LACRT: variants seen among roughly 807,000 people sequenced by gnomAD.
The protein encoded by LACRT is lacritin, also known as extracellular glycoprotein lacritin.
Under a neutral mutation model 14.5 loss-of-function variants are expected in LACRT, and 14 were observed. The observed-to-expected ratio is 0.96, with a 90% CI of 0.64 to 1.51. The LOEUF (loss-of-function observed/expected upper bound fraction) is 1.51, where lower values mean the gene tolerates loss of function less well. LACRT is among the 40% of genes most tolerant of loss of function. The probability of loss-of-function intolerance (pLI) is 0.00; values close to 1 mark genes in which losing one functional copy is unlikely to be tolerated. For missense variants in LACRT, 156 were observed against 161.8 expected (o/e 0.96, Z 0.19); for synonymous variants, 70 against 63.5 (o/e 1.10, Z -0.48).
chr12:54,634,811 C>T lies in LACRT; in HGVS notation c.31G>A (p.Ala11Thr), dbSNP rs1478786294. 6.2e-7 allele frequency: 1 copy of T among 1,613,928 alleles called. No homozygotes were observed. The highest frequency in any genetic ancestry group is 2.2e-5 in the East Asian group (1 of 44,876). MKFTTLLFLA[A>T]VAGALVYAED... ...GCATAGACCAGGGCCCCTGCTACAG[C>T]TGCCAAGAAGAGGAGAGTGGTAAAT... Residue 11 changes from alanine (A) to threonine (T), a missense_variant, in exon 1 of 5, where the codon GCT (alanine) becomes ACT (threonine). Transcript: ENST00000257867.
At position 54,630,878 on chromosome 12, in the gene LACRT, T is replaced by C. The variant is rs1454946388; in HGVS notation, c.*14A>G. ...TAAGGCTTTAAGTCCAATGATCCCATTCTTTTCAGCTTCTCATGCCCATGG... is the reference window on the plus strand; with the variant it reads ...TAAGGCTTTAAGTCCAATGATCCCACTCTTTTCAGCTTCTCATGCCCATGG... On this transcript the variant is annotated 3_prime_UTR_variant, in exon 5 of 5. Coordinates refer to ENST00000257867, the MANE Select transcript of LACRT (RefSeq NM_033277.2). The C allele has an allele frequency of 6.3e-7, 1 of 1,592,722 alleles. No homozygotes were observed. Among genetic ancestry groups the C allele is most frequent in the East Asian group, 2.2e-5 (1 of 44,760 alleles).
intron 3 of LACRT, 176 bp downstream of exon 3, chr12:54,632,065 C>T: frequency 1.4e-6 from 1 of 728,248 alleles, no homozygotes; most frequent in East Asian, 2.7e-5. Flanking sequence ...GCAACATCTA[C>T]TATTGTGAAA....
chr12:54,632,155 C>CT, intron 3 of LACRT, 86 bp downstream of exon 3: 2 of 1,503,522 alleles, frequency 1.3e-6, no homozygotes, highest in Non-Finnish European at 1.8e-6. Context: ...TCTCACCAGG[C>CT]TTATCTCTGT....
rs1006011487 is a variant in LACRT, at chr12:54,634,767, G to A, written c.58+17C>T. ...TGGGAGGACTCTTGTGGGGCGCAGA[G>A]GAAAGGCCATACTCACCAGCATAGA... On this transcript the variant is annotated intron_variant, in intron 1 of 4. Transcript: ENST00000257867. The A allele has an allele frequency of 1.5e-5, 24 of 1,611,778 alleles. No individual in the cohort carries two copies. Among genetic ancestry groups the A allele is most frequent in the Non-Finnish European group, 2.0e-5 (23 of 1,178,164 alleles).
At chr12:54,632,836 A>G (rs912932308) in intron 2 of LACRT, among the ~76,000 whole-genome samples, 1 of 152,116 alleles carries the variant, frequency 6.6e-6, no homozygotes, top group Non-Finnish European at 1.5e-5. Flanking sequence ...TTATCTTGCT[A>G]AGGAATTGGG....
chr12:54,630,923 T>C lies in LACRT; in HGVS notation c.386A>G (p.Lys129Arg). The C allele has an allele frequency of 6.2e-7, 1 of 1,612,630 alleles. No homozygotes were observed. ...NGSEFAQKLL[K>R]KFSLLKPWA ...CCATGGTTTTAATAGACTGAATTTC[T>C]TCAGTAATTTTTGTGCAAATTCACT... The change falls in exon 5 of 5, where the codon AAG becomes AGG. Residue 129 changes from lysine to arginine, a missense_variant. Coordinates refer to ENST00000257867, the MANE Select transcript of LACRT (RefSeq NM_033277.2).
intron 1 of LACRT, 38 bp downstream of exon 1, chr12:54,634,746 A>G: frequency 6.3e-7 from 1 of 1,585,992 alleles, no homozygotes; most frequent in Non-Finnish European, 8.7e-7. Flanking sequence ...TTGGACTGGG[A>G]GGACTCTTGT....
chr12:54,630,847 G>A lies in LACRT; in HGVS notation c.*45C>T, dbSNP rs746731093. 3.4e-5 allele frequency: 47 copies of A among 1,376,486 alleles called. No individual in the cohort carries two copies. The highest frequency in any genetic ancestry group is 4.4e-5 in the Non-Finnish European group (42 of 963,962). The allele number at this position is 1,376,486 out of a possible 1,614,324, so 85.3% of individuals were successfully genotyped here. On this transcript the variant is annotated 3_prime_UTR_variant, in exon 5 of 5. Transcript: ENST00000257867. The stretch of plus-strand genomic sequence containing the variant: ...CGTTTTAATAGCTCTGGGCTACAAG[G>A]GTATTTAAGGCTTTAAGTCCAATGA...
chr12:54,631,158 G>A (rs780742336), intron 4 of LACRT, among the ~76,000 whole-genome samples: 1 of 152,214 alleles, frequency 6.6e-6, no homozygotes, highest in Non-Finnish European at 1.5e-5. Flanking sequence ...CAGGGGACAA[G>A]AATAGAAACA....
intron 3 of LACRT, 134 bp from the exon 4 acceptor site, chr12:54,631,973 G>A (rs1958155276): frequency 1.5e-6 from 1 of 660,974 alleles, no homozygotes; most frequent in Non-Finnish European, 2.5e-6. Flanking sequence ...GTCCTAAAGT[G>A]CAGAAGTTTT....
intron 2 of LACRT, 29 bp downstream of exon 2, chr12:54,633,151 G>C (rs773058211): frequency 3.2e-5 from 51 of 1,610,566 alleles, no homozygotes; most frequent in Non-Finnish European, 4.2e-5. Context: ...CCCAACGAGG[G>C]CTAGGGCAGC....
At chr12:54,631,575 A>G in intron 4 of LACRT, 163 bp downstream of exon 4, 1 of 629,484 alleles carries the variant, frequency 1.6e-6, no homozygotes, top group Non-Finnish European at 2.8e-6. Flanking sequence ...TTGGAAACAT[A>G]TGAAAGCACA....
At position 54,633,226 on chromosome 12, in the gene LACRT, G is replaced by A; in HGVS notation, c.66C>T (p.Ala22=). 3 of 1,613,764 alleles carry A rather than the reference G, an allele frequency of 1.9e-6. No homozygotes were observed. Among genetic ancestry groups the A allele is most frequent in the South Asian group, 1.1e-5 (1 of 91,060 alleles). Residue 22 remains alanine (A), a synonymous_variant, in exon 2 of 5, where the codon GCC becomes GCT. Transcript: ENST00000257867. ...GATCAGCACCCGTCGAGTCAGAGGA[G>A]GCATCTTCTGCAATGGGGGAAACAT... The part of the protein sequence containing the change: ...VAGALVYAED[A]SSDSTGADPA...
At chr12:54,632,408 T>C (rs751685194) in intron 2 of LACRT, 27 bp from the exon 3 acceptor site, 1 of 1,611,422 alleles carries the variant, frequency 6.2e-7, no homozygotes, top group Admixed American at 1.7e-5. Context: ...TGATGGATTT[T>C]AGCAAAGTGA....
Position 54,630,910 on chromosome 12 carries a change from T to C in LACRT, c.399A>G (p.Leu133=). 3.1e-6 allele frequency: 5 copies of C among 1,611,050 alleles called. No individual in the cohort carries two copies. The highest frequency in any genetic ancestry group is 4.2e-6 in the Non-Finnish European group (5 of 1,177,312). The part of the protein sequence containing the change: ...FAQKLLKKFS[L]LKPWA ...CAGCTTCTCATGCCCATGGTTTTAA[T>C]AGACTGAATTTCTTCAGTAATTTTT... The change falls in exon 5 of 5, where the codon CTA becomes CTG. Residue 133 remains leucine, a synonymous_variant. Transcript: ENST00000257867.
chr12:54,634,182 G>A (rs1282881455), intron 1 of LACRT, among the ~76,000 whole-genome samples: 4 of 151,964 alleles, frequency 2.6e-5, no homozygotes, highest in African/African-American at 7.2e-5. Context: ...GTGAAACACC[G>A]TCTCTACTAA....
chr12:54,630,817 G>A lies in LACRT; in HGVS notation c.*75C>T. The A allele has an allele frequency of 1.7e-6, 2 of 1,155,450 alleles. No homozygotes were observed. The highest frequency in any genetic ancestry group is 1.3e-5 in the South Asian group (1 of 79,626). The allele number at this position is 1,155,450 out of a possible 1,614,324, so 71.6% of individuals were successfully genotyped here. A position where few individuals can be genotyped will look rare whatever the true frequency, so the allele number is the denominator to read the frequency against. On this transcript the variant is annotated 3_prime_UTR_variant, in exon 5 of 5. Transcript: ENST00000257867. The stretch of plus-strand genomic sequence containing the variant: ...AGCACAGGCACACAGCAAGTTGGAT[G>A]CTTTCGTTTTAATAGCTCTGGGCTA...
rs138455492 is a variant in LACRT at position 54,633,211 on chromosome 12, C to T, written c.81G>A (p.Thr27=). The T allele has an allele frequency of 2.2e-4, 357 of 1,613,840 alleles. No individual in the cohort carries two copies. The highest frequency in any genetic ancestry group is 2.8e-4 in the Non-Finnish European group (332 of 1,179,894). ...VYAEDASSDS[T]GADPAQEAGT... is the part of the protein sequence containing the mutation. ...CAGCTTCCTGGGCAGGATCAGCACC[C>T]GTCGAGTCAGAGGAGGCATCTTCTG... The change falls in exon 2 of 5, where the codon ACG becomes ACA. Residue 27 remains threonine, a synonymous_variant. Transcript: ENST00000257867.
intron 2 of LACRT, among the ~76,000 whole-genome samples, chr12:54,632,644 G>A (rs1362740005): frequency 6.6e-6 from 1 of 152,128 alleles, no homozygotes; most frequent in African/African-American, 2.4e-5. Flanking sequence ...GATCTTGAAG[G>A]CAGGATGTTA....
Sources: gnomAD v4.1 joint callset for allele counts (sites outside exome capture counted in the v4.1 genomes callset) on GRCh38, gnomAD v4.1.1 for gene constraint, MANE v1.5 for transcripts, NCBI Gene and HGNC (gene_info 2026-07-23, HGNC 2026-07-21) for gene names.